PDPN: variants seen among roughly 807,000 people sequenced by gnomAD.
The protein encoded by PDPN is PA2.26 antigen.
In PDPN, 12 loss-of-function variants were observed where a neutral mutation model predicts 23.2. The observed-to-expected ratio is 0.52, with a 90% CI of 0.33 to 0.84. PDPN has a LOEUF of 0.84. Among genes scored for constraint, PDPN ranks in the 40% least tolerant of loss-of-function variants. The probability of loss-of-function intolerance (pLI) is 0.02; values close to 1 mark genes in which losing one functional copy is unlikely to be tolerated. For missense variants in PDPN, 199 were observed against 212.2 expected (o/e 0.94, Z 0.39); for synonymous variants, 77 against 76.7 (o/e 1.00, Z -0.02).
chr1:13,602,348 G>A (rs1460705872), intron 1 of PDPN, among the ~76,000 whole-genome samples: 4 of 151,916 alleles, frequency 2.6e-5, no homozygotes, highest in African/African-American at 9.7e-5. Flanking sequence ...AATGCCAGCA[G>A]CATTTAGGCC....
At chr1:13,601,195 C>G (rs920617234) in intron 1 of PDPN, among the ~76,000 whole-genome samples, 4 of 152,190 alleles carry the variant, frequency 2.6e-5, no homozygotes, top group Non-Finnish European at 5.9e-5. Context: ...CAGCTGTCAG[C>G]TGATGTGAGG....
chr1:13,615,803 T>C, intron 5 of PDPN, 102 bp from the exon 6 acceptor site: 2 of 1,079,716 alleles, frequency 1.9e-6, no homozygotes, highest in Non-Finnish European at 2.9e-6. Context: ...GTGTCAGAAC[T>C]TGGAAGATTT....
intron 1 of PDPN, chr1:13,585,563 T>A (rs1286737647): frequency 3.0e-6 from 4 of 1,352,066 alleles, no homozygotes; most frequent in Non-Finnish European, 3.9e-6. Flanking sequence ...AAGAAAAAGC[T>A]GCTGGGTAAC....
Position 13,585,461 on chromosome 1 carries a change from C to T in PDPN, c.67+1361C>T. 6 of 1,316,726 alleles carry T rather than the reference C, an allele frequency of 4.6e-6. No individual in the cohort carries two copies. In the South Asian group the frequency reaches 7.2e-5, roughly 16 times the overall value. The allele number at this position is 1,316,726 out of a possible 1,614,324, so 81.6% of individuals were successfully genotyped here. A position where few individuals can be genotyped will look rare whatever the true frequency, so the allele number is the denominator to read the frequency against. On this transcript the variant is annotated intron_variant, in intron 1 of 5. Coordinates refer to ENST00000621990, the MANE Select transcript of PDPN (RefSeq NM_006474.5). ...AGTTCTGTATTTTCAGTTACATTTC[C>T]TTTTTGGCGAGACAATGTGCAAATG...
chr1:13,607,239 G>C lies in PDPN; in HGVS notation c.134G>C (p.Gly45Ala), dbSNP rs1028491869. ...TGLEGGVAMP[G>A]AEDDVVTPGT... is the part of the protein sequence containing the mutation. ...TTGGAAGGCGGCGTTGCCATGCCAG[G>C]TGCCGAAGATGATGTGGTGACTCCA... The change falls in exon 2 of 6, where the codon GGT becomes GCT. Residue 45 changes from glycine to alanine, a missense_variant. Transcript: ENST00000621990. The C allele has an allele frequency of 1.2e-6, 2 of 1,614,052 alleles. No homozygotes were observed. The highest frequency in any genetic ancestry group is 2.7e-5 in the African/African-American group (2 of 74,948).
chr1:13,584,406 A>G, intron 1 of PDPN: 1 of 1,149,992 alleles, frequency 8.7e-7, no homozygotes, highest in African/African-American at 1.5e-5. Context: ...GAAGGTTCAC[A>G]GTAGGCAGCC....
chr1:13,599,373 C>CTTTTTT (rs70984267), intron 1 of PDPN, among the ~76,000 whole-genome samples: 4 of 77,084 alleles, frequency 5.2e-5, no homozygotes, highest in African/African-American at 1.7e-4. Context: ...GAGAAGCTAT[C>CTTTTTT]TTTTTTTTTT....
chr1:13,592,723 A>AT (rs1640381346), intron 1 of PDPN, among the ~76,000 whole-genome samples: 1 of 151,380 alleles, frequency 6.6e-6, no homozygotes, highest in African/African-American at 2.4e-5. Context: ...TAATTTTTGT[A>AT]TTTTTTAGTA....
chr1:13,589,775 G>T (rs1478303631), intron 1 of PDPN, among the ~76,000 whole-genome samples: 2 of 152,204 alleles, frequency 1.3e-5, no homozygotes, highest in African/African-American at 4.8e-5. Flanking sequence ...GCGAGAGGTT[G>T]ATTCCTTCAA....
Position 13,616,030 on chromosome 1 carries a change from C to G in PDPN, c.*119C>G. ...CCGTGGAACACTTGCCTGGCCCACT[C>G]AGAATCCACGGTGACCTCTCCGCTT... On this transcript the variant is annotated 3_prime_UTR_variant, in exon 6 of 6. Coordinates refer to ENST00000621990, the MANE Select transcript of PDPN (RefSeq NM_006474.5). The G allele has an allele frequency of 1.1e-6, 1 of 951,914 alleles. No individual in the cohort carries two copies. Among genetic ancestry groups the G allele is most frequent in the Non-Finnish European group, 1.7e-6 (1 of 586,394 alleles). 59.0% of individuals were successfully genotyped at this position (951,914 alleles called of 1,614,324 possible).
At position 13,617,531 on chromosome 1, in the gene PDPN, C is replaced by T. The variant is rs1327275592; in HGVS notation, c.*1620C>T. 1 of 152,222 alleles carries T rather than the reference C, an allele frequency of 6.6e-6. No individual in the cohort carries two copies. Among genetic ancestry groups the T allele is most frequent in the Non-Finnish European group, 1.5e-5 (1 of 68,054 alleles). 9.4% of individuals were successfully genotyped at this position (152,222 alleles called of 1,614,324 possible). A position where few individuals can be genotyped will look rare whatever the true frequency, so the allele number is the denominator to read the frequency against. On this transcript the variant is annotated 3_prime_UTR_variant, in exon 6 of 6. Transcript: ENST00000621990. ...GGGACTACAGGTTCCTACCACCACACCCGGCCAATTTTTGTATTTTTAGTA... is the reference window on the plus strand; with the variant it reads ...GGGACTACAGGTTCCTACCACCACATCCGGCCAATTTTTGTATTTTTAGTA...
rs377627043 is a variant in PDPN, at chr1:13,615,856, T to G, written c.483-49T>G. The stretch of plus-strand genomic sequence containing the variant: ...GAAAAAGGACTCACGGAGTTACTAT[T>G]CACAATGCCAGTAAGAGACACGACC... On this transcript the variant is annotated intron_variant, in intron 5 of 5. Transcript: ENST00000621990. The G allele has an allele frequency of 4.4e-6, 7 of 1,580,918 alleles. No individual in the cohort carries two copies. In the African/African-American group the frequency reaches 6.7e-5, roughly 15 times the overall value.
At position 13,586,787 on chromosome 1, in the gene PDPN, G is replaced by T. The variant is rs925836190; in HGVS notation, c.67+2687G>T. On this transcript the variant is annotated intron_variant, in intron 1 of 5. Transcript: ENST00000621990. The stretch of plus-strand genomic sequence containing the variant: ...TTAAAAAAAAAAAAAAAAAAAAGAG[G>T]CTGGGCATGGTGGCTCACGCCTGTG... Among the ~76,000 whole-genome samples, 4 of 145,394 alleles carry T rather than the reference G, an allele frequency of 2.8e-5. No individual in the cohort carries two copies. In the East Asian group the frequency reaches 8.0e-4, roughly 29 times the overall value.
At chr1:13,604,187 TG>T (rs1256865500) in intron 1 of PDPN, among the ~76,000 whole-genome samples, 1 of 152,212 alleles carries the variant, frequency 6.6e-6, no homozygotes, top group African/African-American at 2.4e-5. Flanking sequence ...TATGTATGCC[TG>T]TGCATACATA....
At chr1:13,607,677 A>G (rs1395904232) in intron 2 of PDPN, among the ~76,000 whole-genome samples, 1 of 152,196 alleles carries the variant, frequency 6.6e-6, no homozygotes, top group African/African-American at 2.4e-5. Context: ...GTGGTTGGAG[A>G]GTAGAAGCCA....
At chr1:13,586,122 C>A (rs968778704) in intron 1 of PDPN, among the ~76,000 whole-genome samples, 3 of 152,134 alleles carry the variant, frequency 2.0e-5, no homozygotes, top group Non-Finnish European at 4.4e-5. Context: ...GGGGCCACTT[C>A]ATTAGAGAGT....
intron 1 of PDPN, among the ~76,000 whole-genome samples, chr1:13,599,590 G>A (rs1197916810): frequency 6.6e-6 from 1 of 151,700 alleles, no homozygotes; most frequent in African/African-American, 2.4e-5. Flanking sequence ...CACCATGTTG[G>A]CTAGGCTGGG....
At chr1:13,611,037 C>A (rs889845283) in intron 3 of PDPN, among the ~76,000 whole-genome samples, 2 of 151,686 alleles carry the variant, frequency 1.3e-5, no homozygotes, top group Middle Eastern at 3.2e-3. Context: ...CTGGCTAACA[C>A]GGTGAAACCC....
intron 1 of PDPN, among the ~76,000 whole-genome samples, chr1:13,598,788 T>TCACCCATTCACTCAACAGCTA (rs968047439): frequency 6.6e-6 from 1 of 152,168 alleles, no homozygotes; most frequent in African/African-American, 2.4e-5. Flanking sequence ...TATCTGGAAC[T>TCACCCATTCACTCAACAGCTA]CACCCATTCA....
Sources: gnomAD v4.1 joint callset for allele counts (sites outside exome capture counted in the v4.1 genomes callset) on GRCh38, gnomAD v4.1.1 for gene constraint, MANE v1.5 for transcripts, NCBI Gene and HGNC (gene_info 2026-07-23, HGNC 2026-07-21) for gene names.